The following TMPRSS15 variants were observed in gnomAD, a reference collection of about 807,000 sequenced individuals.
The protein encoded by TMPRSS15 is transmembrane serine protease 15, also known as enteropeptidase.
A neutral mutation model predicts 125.3 loss-of-function variants in TMPRSS15; 128 were observed. That is an observed-to-expected ratio of 1.02 (90% CI 0.89 to 1.18). The LOEUF (loss-of-function observed/expected upper bound fraction) is 1.18, where lower values mean the gene tolerates loss of function less well. Ranked by LOEUF, TMPRSS15 falls within the 50% of genes most tolerant of loss-of-function variation. The pLI is 0.00. For synonymous variants in TMPRSS15, 446 were observed against 423.2 expected (o/e 1.05, Z -0.66); for missense variants, 1,283 against 1,212.7 (o/e 1.06, Z -0.86).
chr21:18,287,496 G>C (rs2074779407), intron 21 of TMPRSS15, among the ~76,000 whole-genome samples: 1 of 152,020 alleles, frequency 6.6e-6, no homozygotes, highest in African/African-American at 2.4e-5. Flanking sequence ...TAAGAAAAAA[G>C]GTGGCTCAAC....
rs80191718 is a variant in TMPRSS15 at position 18,349,234 on chromosome 21, C to T, written c.1171+3669G>A. Reference sequence around the variant, plus strand: ...ATGAACCTCATTTGTCCTGAGCCTTCTAAATGAATGGGCCACTTCTGAGCA... The same window carrying T: ...ATGAACCTCATTTGTCCTGAGCCTTTTAAATGAATGGGCCACTTCTGAGCA... On this transcript the variant is annotated intron_variant, in intron 10 of 24. Transcript: ENST00000284885. Among the ~76,000 whole-genome samples, 52 of 152,288 alleles carry T rather than the reference C, an allele frequency of 3.4e-4. No homozygotes were observed. In the East Asian group the frequency reaches 9.9e-3, roughly 29 times the overall value.
Position 18,341,460 on chromosome 21 carries a change from A to C in TMPRSS15, c.1517T>G (p.Leu506Arg). The C allele has an allele frequency of 5.6e-6, 9 of 1,614,186 alleles. No homozygotes were observed. Among genetic ancestry groups the C allele is most frequent in the Non-Finnish European group, 7.6e-6 (9 of 1,180,020 alleles). The change falls in exon 13 of 25, where the codon CTT becomes CGT. Residue 506 changes from leucine to arginine, a missense_variant. Physicochemically the swap from Leu to Arg is moderately radical, Grantham distance 102 (BLOSUM62 -2). Coordinates refer to ENST00000284885, the MANE Select transcript of TMPRSS15 (RefSeq NM_002772.3). ...SLTYGICNGS[L>R]YPEPTLVPTP... is the part of the protein sequence containing the mutation. ...TGGCACCAAAGTTGGTTCTGGATAAAGACTCCCATTGCAAATCCCATATGT... is the reference window on the plus strand; with the variant it reads ...TGGCACCAAAGTTGGTTCTGGATAACGACTCCCATTGCAAATCCCATATGT...
chr21:18,281,904 TG>T (rs1380908299), intron 21 of TMPRSS15, among the ~76,000 whole-genome samples: 1 of 151,868 alleles, frequency 6.6e-6, no homozygotes. Context: ...GAGACCATCT[TG>T]GTTAACACGG....
At position 18,269,279 on chromosome 21, in the gene TMPRSS15, A is replaced by ACTT. The variant is rs1177034117; in HGVS notation, c.*687_*689dup. On this transcript the variant is annotated 3_prime_UTR_variant, in exon 25 of 25. Transcript: ENST00000284885. The stretch of plus-strand genomic sequence containing the variant: ...TGGTATGTCTGATTATTTTCTTGAG[A>ACTT]CTTAAAAATACTTGCTTGAAATAAA... 1.3e-5 allele frequency: 2 copies of ACTT among 152,216 alleles called. No individual in the cohort carries two copies. The highest frequency in any genetic ancestry group is 1.9e-4 in the East Asian group (1 of 5,202). The allele number at this position is 152,216 out of a possible 1,614,324, so 9.4% of individuals were successfully genotyped here.
intron 16 of TMPRSS15, among the ~76,000 whole-genome samples, chr21:18,321,998 T>C (rs1410367239): frequency 6.6e-6 from 1 of 152,204 alleles, no homozygotes; most frequent in Non-Finnish European, 1.5e-5. Context: ...AATAACTTCA[T>C]ACATTACATA....
At chr21:18,344,968 A>G (rs1378488231) in intron 10 of TMPRSS15, among the ~76,000 whole-genome samples, 2 of 152,224 alleles carry the variant, frequency 1.3e-5, no homozygotes, top group Non-Finnish European at 2.9e-5. Context: ...ACAGAAAAAT[A>G]TAGGCAATGT....
chr21:18,330,384 C>CA (rs1175781914), intron 14 of TMPRSS15, among the ~76,000 whole-genome samples: 1 of 152,156 alleles, frequency 6.6e-6, no homozygotes, highest in Non-Finnish European at 1.5e-5. Context: ...AAAGACTCTC[C>CA]AGTGCTCTCA....
At chr21:18,345,183 C>A (rs1939805388) in intron 10 of TMPRSS15, among the ~76,000 whole-genome samples, 1 of 152,106 alleles carries the variant, frequency 6.6e-6, no homozygotes, top group Admixed American at 6.5e-5. Flanking sequence ...CATTCATTTG[C>A]TTTGTATGAC....
chr21:18,348,447 G>A (rs1177365768), intron 10 of TMPRSS15, among the ~76,000 whole-genome samples: 1 of 152,126 alleles, frequency 6.6e-6, no homozygotes, highest in Non-Finnish European at 1.5e-5. Flanking sequence ...TCCCTCTCAA[G>A]AAGGAAATAG....
intron 1 of TMPRSS15, among the ~76,000 whole-genome samples, chr21:18,461,488 G>T (rs1978549884): frequency 6.6e-6 from 1 of 151,912 alleles, no homozygotes; most frequent in South Asian, 2.1e-4. Context: ...AAAAATAAAT[G>T]CACTGTATGA....
rs2075352895 is a variant in TMPRSS15 at position 18,332,225 on chromosome 21, G to A, written c.1565-52C>T. The A allele has an allele frequency of 1.4e-6, 2 of 1,477,278 alleles. 1 individual carries two copies. Among genetic ancestry groups the A allele is most frequent in the Admixed American group, 3.3e-5 (2 of 59,758 alleles). 91.5% of individuals were successfully genotyped at this position (1,477,278 alleles called of 1,614,324 possible). A position where few individuals can be genotyped will look rare whatever the true frequency, so the allele number is the denominator to read the frequency against. Reference sequence around the variant, plus strand: ...TCAGTAATACAATGTTTATTTCAGAGAGATAATACCATATGCCAGCGAATT... The same window carrying A: ...TCAGTAATACAATGTTTATTTCAGAAAGATAATACCATATGCCAGCGAATT... On this transcript the variant is annotated intron_variant, in intron 13 of 24. Transcript: ENST00000284885.
At chr21:18,476,981 G>GA (rs146878274) in intron 1 of TMPRSS15, among the ~76,000 whole-genome samples, 15,621 of 151,224 alleles carry the variant, frequency 0.1, 2,056 homozygotes, top group African/African-American at 0.31. Flanking sequence ...AACACTGGAA[G>GA]AAAAAAGAGT....
intron 18 of TMPRSS15, among the ~76,000 whole-genome samples, chr21:18,311,911 C>T (rs1330112026): frequency 6.6e-6 from 1 of 152,070 alleles, no homozygotes; most frequent in Non-Finnish European, 1.5e-5. Context: ...TGGATATTTA[C>T]ATATACATAG....
chr21:18,281,363 T>C (rs748347999), intron 21 of TMPRSS15, 142 bp from the exon 22 acceptor site: 1 of 772,574 alleles, frequency 1.3e-6, no homozygotes, highest in Non-Finnish European at 2.1e-6. Flanking sequence ...TTTAAAAATA[T>C]TCTCAAATCT....
At chr21:18,446,536 C>T (rs1254804008) in intron 1 of TMPRSS15, among the ~76,000 whole-genome samples, 1 of 152,112 alleles carries the variant, frequency 6.6e-6, no homozygotes, top group East Asian at 1.9e-4. Flanking sequence ...AACATACTAC[C>T]TGACTTTAAA....
chr21:18,461,137 A>G (rs1978543593), intron 1 of TMPRSS15, among the ~76,000 whole-genome samples: 1 of 152,162 alleles, frequency 6.6e-6, no homozygotes, highest in African/African-American at 2.4e-5. Flanking sequence ...CAAGGAACTG[A>G]AACTTACCAG....
At chr21:18,481,983 T>G (rs956181887) in intron 1 of TMPRSS15, among the ~76,000 whole-genome samples, 3 of 151,722 alleles carry the variant, frequency 2.0e-5, no homozygotes, top group Non-Finnish European at 4.4e-5. Context: ...TATGACTGAA[T>G]AGTAATAATT....
rs142649700 is a variant in TMPRSS15 at position 18,463,957 on chromosome 21, G to A, written c.10+21842C>T. On this transcript the variant is annotated intron_variant, in intron 1 of 7. Transcript: ENST00000422787. ...GGGGAAGCCGAGGTGGGTGGATCAC[G>A]AGGTCAGGAGATGGAGACCATCCTG... 5.8e-3 allele frequency among the ~76,000 whole-genome samples: 882 copies of A among 152,010 alleles called. 6 individuals are homozygous for A. The highest frequency in any genetic ancestry group is 9.2e-3 in the Non-Finnish European group (623 of 67,952).
intron 16 of TMPRSS15, among the ~76,000 whole-genome samples, chr21:18,321,923 T>A (rs2075243039): frequency 6.6e-6 from 1 of 152,178 alleles, no homozygotes; most frequent in South Asian, 2.1e-4. Flanking sequence ...CCCCATGTAT[T>A]TATCATGCAG....
Sources: allele counts gnomAD v4.1 joint callset (sites outside exome capture counted in the v4.1 genomes callset), GRCh38; gene constraint gnomAD v4.1.1; transcripts MANE v1.5; gene names NCBI Gene and HGNC (gene_info 2026-07-23, HGNC 2026-07-21).